Variants in MEGF6 observed in about 807,000 individuals in gnomAD.
MEGF6 encodes multiple epidermal growth factor-like domains protein 6.
MEGF6 carries 184 observed loss-of-function variants against 207.1 expected under a neutral mutation model. The ratio of observed to expected loss-of-function variants is 0.89; its 90% CI spans 0.79 to 1.00. The LOEUF (loss-of-function observed/expected upper bound fraction) is 1.00. Ranked by LOEUF, MEGF6 falls within the 50% of genes least tolerant of loss-of-function variation. The pLI is 0.00. For missense variants in MEGF6, 2,282 were observed against 2,202.9 expected (o/e 1.04, Z -0.72); for synonymous variants, 1,038 against 910.0 (o/e 1.14, Z -2.53).
At chr1:3,539,073 G>A (rs964234265) in intron 4 of MEGF6, among the ~76,000 whole-genome samples, 1 of 152,194 alleles carries the variant, frequency 6.6e-6, no homozygotes, top group Non-Finnish European at 1.5e-5. Flanking sequence ...GGGGTCAAGA[G>A]CCCAGTAGGA....
At chr1:3,584,684 G>T (rs977281324) in intron 3 of MEGF6, among the ~76,000 whole-genome samples, 1 of 152,228 alleles carries the variant, frequency 6.6e-6, no homozygotes, top group South Asian at 2.1e-4. Flanking sequence ...ACCTCCAGGG[G>T]ACAGGGACGG....
chr1:3,526,021 G>C (rs905813518), intron 4 of MEGF6, among the ~76,000 whole-genome samples: 1 of 152,354 alleles, frequency 6.6e-6, no homozygotes, highest in African/African-American at 2.4e-5. Context: ...CTGCCAGCTG[G>C]CCAGAGCACC....
intron 10 of MEGF6, 103 bp downstream of exon 10, chr1:3,510,680 C>A (rs1394593777): frequency 5.5e-6 from 8 of 1,453,280 alleles, no homozygotes; most frequent in Non-Finnish European, 5.5e-6. Context: ...AGCAGGCCGA[C>A]CCCATGCCCA....
intron 4 of MEGF6, among the ~76,000 whole-genome samples, chr1:3,542,009 G>A (rs950815684): frequency 1.3e-5 from 2 of 152,218 alleles, no homozygotes; most frequent in Non-Finnish European, 2.9e-5. Flanking sequence ...GCCGGGTCCG[G>A]CACCGAGAAG....
intron 2 of MEGF6, among the ~76,000 whole-genome samples, chr1:3,598,692 G>A (rs1644110873): frequency 6.6e-6 from 1 of 150,480 alleles, no homozygotes; most frequent in Admixed American, 6.6e-5. Flanking sequence ...GTTCACGCAG[G>A]GCGGGGGTCG....
chr1:3,494,896 G>A (rs920456179), intron 30 of MEGF6, among the ~76,000 whole-genome samples, 155 bp from the exon 31 acceptor site: 1 of 152,248 alleles, frequency 6.6e-6, no homozygotes, highest in Non-Finnish European at 1.5e-5. Flanking sequence ...GCCAGGGAGT[G>A]GCACCAGCCG....
Position 3,506,236 on chromosome 1 carries a change from C to G in MEGF6, c.1790G>C (p.Gly597Ala). 1 of 1,608,936 alleles carries G rather than the reference C, an allele frequency of 6.2e-7. No homozygotes were observed. Among genetic ancestry groups the G allele is most frequent in the Non-Finnish European group, 8.5e-7 (1 of 1,178,424 alleles). Residue 597 changes from glycine (G) to alanine (A), a missense_variant and splice_region_variant, in exon 15 of 37, where the codon GGC becomes GCC. Physicochemically the swap from Gly to Ala is moderately conservative, Grantham distance 60. Coordinates refer to ENST00000356575, the MANE Select transcript of MEGF6 (RefSeq NM_001409.4). ...CTTGCCATAGTAGCCCTTGGGGCAG[C>G]CTGGGGGCAGCGGGGCTCCATGTGA... is the stretch of plus-strand genomic sequence containing the variant. ...PGVSGTNCED[G>A]CPKGYYGKHC...
intron 4 of MEGF6, among the ~76,000 whole-genome samples, chr1:3,563,680 C>T (rs139125842): frequency 1.1e-3 from 173 of 152,340 alleles, no homozygotes; most frequent in Non-Finnish European, 2.2e-3. Context: ...CCCTCTGGCT[C>T]CCCTGACACC....
At position 3,497,524 on chromosome 1, in the gene MEGF6, A is replaced by G. The variant is rs780130861; in HGVS notation, c.3353-163T>C. On this transcript the variant is annotated intron_variant, in intron 26 of 36. Coordinates refer to ENST00000356575, the MANE Select transcript of MEGF6 (RefSeq NM_001409.4). The stretch of plus-strand genomic sequence containing the variant: ...CACCTGGAGCCCCCCGCCACCCCGG[A>G]GGGCAGAGGCAGGCCCCGGTGGCAA... 7 of 1,000,388 alleles carry G rather than the reference A, an allele frequency of 7.0e-6. No homozygotes were observed. In the South Asian group the frequency reaches 1.1e-4, roughly 15 times the overall value. 62.0% of individuals were successfully genotyped at this position (1,000,388 alleles called of 1,614,324 possible).
chr1:3,490,101 CATAAAT>C lies in MEGF6; in HGVS notation c.*421_*426del. The C allele has an allele frequency of 5.1e-6, 1 of 197,014 alleles. No individual in the cohort carries two copies. Among genetic ancestry groups the C allele is most frequent in the Non-Finnish European group, 1.0e-5 (1 of 97,544 alleles). 12.2% of individuals were successfully genotyped at this position (197,014 alleles called of 1,614,324 possible). A position where few individuals can be genotyped will look rare whatever the true frequency, so the allele number is the denominator to read the frequency against. On this transcript the variant is annotated 3_prime_UTR_variant, in exon 37 of 37. Transcript: ENST00000356575. ...GTGCAGTGGCCCATAAATACCTTTA[CATAAAT>C]ACGGGCTGGGCGACTTCCAGTCCCA...
At position 3,500,636 on chromosome 1, in the gene MEGF6, G is replaced by A. The variant is rs767776663; in HGVS notation, c.2704C>T (p.Gln902Ter). ...CAAAGGCAGGGCCGGGACTCACGCTGCTCGCACCGCGGGCCCACGTAGCCA... is the reference window on the plus strand; with the variant it reads ...CAAAGGCAGGGCCGGGACTCACGCTACTCGCACCGCGGGCCCACGTAGCCA... ...EAGYVGPRCE[Q>*]QCPQGHFGPG... is the part of the protein sequence containing the mutation. The change falls in exon 21 of 37, where the codon CAG (glutamine) becomes TAG (stop). Residue 902 changes from glutamine to a stop codon, truncating the protein, a stop_gained. Transcript: ENST00000356575. LOFTEE classifies it high-confidence loss of function. 19 of 1,555,978 alleles carry A rather than the reference G, an allele frequency of 1.2e-5. No individual in the cohort carries two copies. Among genetic ancestry groups the A allele is most frequent in the Non-Finnish European group, 1.7e-5 (19 of 1,150,248 alleles).
At chr1:3,524,361 A>G (rs981932341) in intron 4 of MEGF6, 115 bp from the exon 5 acceptor site, 13 of 1,356,442 alleles carry the variant, frequency 9.6e-6, no homozygotes, top group Middle Eastern at 4.6e-4. Context: ...CCTCGAGGGC[A>G]CCACCCATGA....
chr1:3,499,188 T>G lies in MEGF6; in HGVS notation c.3044A>C (p.His1015Pro), dbSNP rs991640608. 6.2e-7 allele frequency: 1 copy of G among 1,604,190 alleles called. No homozygotes were observed. The highest frequency in any genetic ancestry group is 1.7e-5 in the Admixed American group (1 of 58,884). Reference sequence around the variant, plus strand: ...GCCAGGGGCACAGTGGCACTGCCCGTGGACAGGGTCACAGGAGGCCCCGTT... The same window carrying G: ...GCCAGGGGCACAGTGGCACTGCCCGGGGACAGGGTCACAGGAGGCCCCGTT... ...CFNGASCDPV[H>P]GQCHCAPGWM... The change falls in exon 24 of 37, where the codon CAC (histidine) becomes CCC (proline). Residue 1015 changes from histidine to proline, a missense_variant. By Grantham distance (77) the His-to-Pro change is moderately conservative (BLOSUM62 -2). Coordinates refer to ENST00000356575, the MANE Select transcript of MEGF6 (RefSeq NM_001409.4).
intron 13 of MEGF6, 106 bp from the exon 14 acceptor site, chr1:3,508,029 A>C: frequency 2.3e-6 from 3 of 1,296,658 alleles, no homozygotes; most frequent in Non-Finnish European, 3.2e-6. Flanking sequence ...CCTAGAGATA[A>C]AATGATGGCA....
chr1:3,562,549 C>A (rs760893863), intron 4 of MEGF6, among the ~76,000 whole-genome samples: 1 of 152,218 alleles, frequency 6.6e-6, no homozygotes, highest in Non-Finnish European at 1.5e-5. Flanking sequence ...ACACTCCCTG[C>A]GCCTCTGGCT....
At chr1:3,524,578 C>T (rs554641178) in intron 4 of MEGF6, among the ~76,000 whole-genome samples, 52 of 152,336 alleles carry the variant, frequency 3.4e-4, no homozygotes, top group African/African-American at 1.2e-3. Context: ...TCCAAATCTA[C>T]AAAGTGCTTC....
chr1:3,589,454 C>A (rs1396758811), intron 3 of MEGF6, among the ~76,000 whole-genome samples: 1 of 152,140 alleles, frequency 6.6e-6, no homozygotes, highest in African/African-American at 2.4e-5. Context: ...TCAGTGACCT[C>A]TTCCCAGGGA....
intron 4 of MEGF6, among the ~76,000 whole-genome samples, chr1:3,571,491 CA>C (rs1234334498): frequency 6.7e-6 from 1 of 149,916 alleles, no homozygotes; most frequent in Admixed American, 6.6e-5. Flanking sequence ...CTCCCGGCTC[CA>C]AAGGCCAGAG....
At chr1:3,538,414 C>T (rs1469204075) in intron 4 of MEGF6, among the ~76,000 whole-genome samples, 2 of 152,256 alleles carry the variant, frequency 1.3e-5, no homozygotes, top group East Asian at 1.9e-4. Flanking sequence ...ACCCATTACC[C>T]TGTCTCCACT....
Sources: allele counts gnomAD v4.1 joint callset (sites outside exome capture counted in the v4.1 genomes callset), GRCh38; gene constraint gnomAD v4.1.1; transcripts MANE v1.5; gene names NCBI Gene and HGNC (gene_info 2026-07-23, HGNC 2026-07-21).